PALB2: variants seen among roughly 807,000 people sequenced by gnomAD.
The protein encoded by PALB2 is mutant partner and localizer of BRCA2.
In PALB2, 82 loss-of-function variants were observed where a neutral mutation model predicts 107.4. That is an observed-to-expected ratio of 0.76 (90% confidence interval 0.64 to 0.92). The LOEUF is 0.92. Among genes scored for constraint, PALB2 ranks in the 40% least tolerant of loss-of-function variants. The pLI is 0.00. For missense variants in PALB2, 1,374 were observed against 1,379.9 expected, an observed-to-expected ratio of 1.00 and a Z score of 0.07; for synonymous variants, 489 against 496.8, an observed-to-expected ratio of 0.98 and a Z score of 0.21.
Position 23,607,924 on chromosome 16 carries a change from GGGT to G in PALB2, c.3287_3289del (p.Asn1096_Pro1097delinsThr), listed in dbSNP as rs1966508356. 2.5e-6 allele frequency: 4 copies of G among 1,614,050 alleles called. No homozygotes were observed. Among genetic ancestry groups the G allele is most frequent in the African/African-American group, 2.7e-5 (2 of 74,920 alleles). On this transcript the variant is annotated inframe_deletion, in exon 12 of 13. Coordinates refer to ENST00000261584, the MANE Select transcript of PALB2 (RefSeq NM_024675.4). Reference sequence around the variant, plus strand: ...CACACCCACGCTGAGAGTCGTCTTAGGGTTAATCACAATGAGCTGAAACACAGG... The same window carrying G: ...CACACCCACGCTGAGAGTCGTCTTAGTAATCACAATGAGCTGAAACACAGG...
At chr16:23,627,508 A>AG (rs1360995621) in intron 6 of PALB2, among the ~76,000 whole-genome samples, 1 of 151,514 alleles carries the variant, frequency 6.6e-6, no homozygotes, top group Non-Finnish European at 1.5e-5. Context: ...AAAAAAAAAA[A>AG]AAAGAAAAAT....
rs1967110973 is a variant in PALB2 at position 23,638,092 on chromosome 16, C to G, written c.86G>C (p.Ser29Thr). 1 of 1,613,996 alleles carries G rather than the reference C, an allele frequency of 6.2e-7. No individual in the cohort carries two copies. Among genetic ancestry groups the G allele is most frequent in the African/African-American group, 1.3e-5 (1 of 75,026 alleles). Reference sequence around the variant, plus strand: ...TACCTGAAGGCGGGCTAGTGTCTTGCTGTATTCCCTTTTCAAGAATGCTAA... The same window carrying G: ...TACCTGAAGGCGGGCTAGTGTCTTGGTGTATTCCCTTTTCAAGAATGCTAA... ...EKLAFLKREY[S>T]KTLARLQRAQ... The change falls in exon 2 of 13, where the codon AGC becomes ACC. Residue 29 changes from serine to threonine, a missense_variant. Physicochemically the swap from Ser to Thr is moderately conservative, Grantham distance 58. Coordinates refer to ENST00000261584, the MANE Select transcript of PALB2 (RefSeq NM_024675.4).
intron 4 of PALB2, among the ~76,000 whole-genome samples, chr16:23,633,351 AAC>A (rs1165897489): frequency 6.6e-6 from 1 of 152,176 alleles, no homozygotes; most frequent in East Asian, 1.9e-4. Context: ...GGTGCGTTGG[AAC>A]ACAGTCACAG....
Position 23,637,898 on chromosome 16 carries a change from GT to G in PALB2, c.162del (p.Glu54AspfsTer14), listed in dbSNP as rs778387993. On this transcript the variant is annotated frameshift_variant, in exon 3 of 13. Coordinates refer to ENST00000261584, the MANE Select transcript of PALB2 (RefSeq NM_024675.4). LOFTEE classifies it high-confidence loss of function. ...IKHSIKKTVE[E>X]QDCLSQQDLS... is the part of the protein sequence containing the mutation. ...AGATCCTGCTGAGACAAACAATCTT[GT>G]TCTTCTACTGTTTTCTTAATAGAAT... is the stretch of plus-strand genomic sequence containing the variant. The G allele has an allele frequency of 6.2e-7, 1 of 1,614,026 alleles. No individual in the cohort carries two copies. The highest frequency in any genetic ancestry group is 8.5e-7 in the Non-Finnish European group (1 of 1,179,964).
chr16:23,634,849 C>T lies in PALB2; in HGVS notation c.1684+13G>A, dbSNP rs2142409062. The T allele has an allele frequency of 6.2e-7, 1 of 1,609,366 alleles. No individual in the cohort carries two copies. The highest frequency in any genetic ancestry group is 8.5e-7 in the Non-Finnish European group (1 of 1,177,426). ...TCATCATCATCATCATCATCAAACA[C>T]ATCTTGATTTACCTTTCACTTGAAT... On this transcript the variant is annotated intron_variant, in intron 4 of 12. Transcript: ENST00000261584.
At chr16:23,611,397 C>T (rs1210044644) in intron 11 of PALB2, among the ~76,000 whole-genome samples, 3 of 151,692 alleles carry the variant, frequency 2.0e-5, no homozygotes, top group African/African-American at 7.3e-5. Context: ...CCACCTGCCT[C>T]AGCCTCCCAA....
chr16:23,632,075 C>A (rs1490808179), intron 4 of PALB2, among the ~76,000 whole-genome samples: 1 of 152,170 alleles, frequency 6.6e-6, no homozygotes, highest in Non-Finnish European at 1.5e-5. Context: ...TATATACATA[C>A]AATGGAATAC....
rs1967095701 is a variant in PALB2 at position 23,637,729 on chromosome 16, A to T, written c.211+121T>A. 4 of 739,728 alleles carry T rather than the reference A, an allele frequency of 5.4e-6. No homozygotes were observed. The Admixed American group carries it at 1.0e-4, about 19-fold the overall frequency. The allele number at this position is 739,728 out of a possible 1,614,324, so 45.8% of individuals were successfully genotyped here. ...CTCAAAAAAATAAAATTAAAATTAA[A>T]ATTAAAATTAAAGCGTCTATTGCTA... On this transcript the variant is annotated intron_variant, in intron 3 of 12. Coordinates refer to ENST00000261584, the MANE Select transcript of PALB2 (RefSeq NM_024675.4).
intron 8 of PALB2, chr16:23,623,799 G>A (rs866782554): frequency 3.5e-5 from 19 of 546,208 alleles, no homozygotes; most frequent in Non-Finnish European, 3.6e-5. Context: ...GATTACAGGC[G>A]TGAGCCACTG....
intron 1 of PALB2, chr16:23,640,591 G>A: frequency 4.3e-6 from 1 of 232,836 alleles, no homozygotes; most frequent in Non-Finnish European, 8.5e-6. Flanking sequence ...ACTTAAAAAA[G>A]AAAGCAAGGT....
Position 23,605,356 on chromosome 16 carries a change from AAC to A in PALB2, c.3351-1689_3351-1688del, listed in dbSNP as rs1039198797. 3.3e-5 allele frequency among the ~76,000 whole-genome samples: 5 copies of A among 152,144 alleles called. No homozygotes were observed. The South Asian group carries it at 1.0e-3, about 32-fold the overall frequency. On this transcript the variant is annotated intron_variant, in intron 12 of 12. Coordinates refer to ENST00000261584, the MANE Select transcript of PALB2 (RefSeq NM_024675.4). ...ATGTATTGTATTTTGTGCACTGAAC[AAC>A]AGTCACTAGTTTTCCCTTCTAATTT...
chr16:23,626,572 A>G (rs1227213282), intron 6 of PALB2, among the ~76,000 whole-genome samples, 175 bp from the exon 7 acceptor site: 2 of 152,218 alleles, frequency 1.3e-5, no homozygotes, highest in Admixed American at 1.3e-4. Context: ...AAAAATGCCT[A>G]TCAAACTTAC....
intron 10 of PALB2, among the ~76,000 whole-genome samples, chr16:23,617,110 C>T (rs773774680): frequency 2.0e-5 from 3 of 152,038 alleles, no homozygotes; most frequent in Admixed American, 1.3e-4. Context: ...CCACCGTGCC[C>T]GGCCAAGCTT....
Position 23,627,100 on chromosome 16 carries a change from C to T in PALB2, c.2587-703G>A, listed in dbSNP as rs371016034. ...TAACATTGAAACAACATACATTATA[C>T]TATCTACTATTATGACCATGGGAGC... On this transcript the variant is annotated intron_variant, in intron 6 of 12. Transcript: ENST00000261584. 1.3e-5 allele frequency among the ~76,000 whole-genome samples: 2 copies of T among 152,152 alleles called. No individual in the cohort carries two copies. Among genetic ancestry groups the T allele is most frequent in the South Asian group, 2.1e-4 (1 of 4,834 alleles).
chr16:23,631,369 T>C lies in PALB2; in HGVS notation c.1685-900A>G, dbSNP rs886883606. 3.3e-5 allele frequency among the ~76,000 whole-genome samples: 5 copies of C among 150,192 alleles called. No individual in the cohort carries two copies. In the South Asian group the frequency reaches 1.1e-3, roughly 32 times the overall value. ...CTGTGATCTCAGCTACTCAGGAAGC[T>C]GAGGTAGGAGAATCACTTGAACCCG... On this transcript the variant is annotated intron_variant, in intron 4 of 12. Coordinates refer to ENST00000261584, the MANE Select transcript of PALB2 (RefSeq NM_024675.4).
chr16:23,629,395 G>A (rs1966854561), intron 5 of PALB2, 120 bp from the exon 6 acceptor site: 1 of 1,005,120 alleles, frequency 9.9e-7, no homozygotes. Flanking sequence ...CAGCAGCAAA[G>A]CTCCAAATGC....
intron 6 of PALB2, among the ~76,000 whole-genome samples, chr16:23,627,762 C>T (rs369841464): frequency 3.9e-5 from 6 of 152,144 alleles, no homozygotes; most frequent in South Asian, 4.1e-4. Flanking sequence ...GGAAGACCCA[C>T]GTAATGGCCA....
intron 1 of PALB2, among the ~76,000 whole-genome samples, chr16:23,639,081 C>T (rs541945218): frequency 2.0e-5 from 3 of 152,132 alleles, no homozygotes; most frequent in Admixed American, 6.6e-5. Flanking sequence ...AGCCTAGATT[C>T]CCTCGTCTCT....
intron 4 of PALB2, among the ~76,000 whole-genome samples, chr16:23,633,379 C>A (rs1424953442): frequency 6.6e-6 from 1 of 152,174 alleles, no homozygotes; most frequent in African/African-American, 2.4e-5. Context: ...AGTTGACTGG[C>A]TGCTCTGGCA....
Sources: allele counts gnomAD v4.1 joint callset (sites outside exome capture counted in the v4.1 genomes callset), GRCh38; gene constraint gnomAD v4.1.1; transcripts MANE v1.5; gene names NCBI Gene and HGNC (gene_info 2026-07-23, HGNC 2026-07-21).